The following NF2 variants were observed in gnomAD, a reference collection of about 807,000 sequenced individuals.
The protein encoded by NF2 is NF2, moesin-ezrin-radixin like (MERLIN) tumor suppressor.
NF2 carries 8 observed loss-of-function variants against 83.7 expected under a neutral mutation model. The ratio of observed to expected loss-of-function variants is 0.10; its 90% CI spans 0.06 to 0.17. NF2 has a LOEUF of 0.17. Among genes scored for constraint, NF2 ranks in the 10% least tolerant of loss-of-function variants. The pLI is 1.00. For synonymous variants in NF2, 266 were observed against 269.6 expected, an observed-to-expected ratio of 0.99 and a Z score of 0.13; for missense variants, 533 against 744.4, an observed-to-expected ratio of 0.72 and a Z score of 3.31.
At chr22:29,678,133 C>G in intron 13 of NF2, 63 bp from the exon 14 acceptor site, 1 of 1,609,222 alleles carries the variant, frequency 6.2e-7, no homozygotes, top group Non-Finnish European at 8.5e-7. Flanking sequence ...CGGTTGTCAA[C>G]ACAGTAGTGT....
Position 29,674,845 on chromosome 22 carries a change from G to A in NF2, c.1350G>A (p.Glu450=), listed in dbSNP as rs1231236846. The A allele has an allele frequency of 3.9e-6, 6 of 1,558,018 alleles. No homozygotes were observed. The highest frequency in any genetic ancestry group is 5.2e-6 in the Non-Finnish European group (6 of 1,150,120). The change falls in exon 13 of 16, where the codon GAG becomes GAA. Residue 450 remains glutamate (E), a synonymous_variant. Coordinates refer to ENST00000338641, the MANE Select transcript of NF2 (RefSeq NM_000268.4). ...CATCCTTTCCTTGCAGGGCCAAAGA[G>A]GCAGATCAGCTGAAGCAGGACCTGC... The part of the protein sequence containing the change: ...MAEESERRAK[E]ADQLKQDLQE...
chr22:29,635,683 T>A (rs2065630167), intron 1 of NF2, among the ~76,000 whole-genome samples: 1 of 152,060 alleles, frequency 6.6e-6, no homozygotes, highest in South Asian at 2.1e-4. Flanking sequence ...GTGCCAAGAC[T>A]TTGAGTGGAG....
At chr22:29,632,967 C>T (rs1331548950) in intron 1 of NF2, among the ~76,000 whole-genome samples, 1 of 152,154 alleles carries the variant, frequency 6.6e-6, no homozygotes, top group South Asian at 2.1e-4. Flanking sequence ...GTCCACACCC[C>T]AAGACCTCTT....
intron 15 of NF2, among the ~76,000 whole-genome samples, chr22:29,688,955 C>T (rs1038087335): frequency 1.3e-5 from 2 of 152,036 alleles, no homozygotes; most frequent in African/African-American, 2.4e-5. Context: ...CCGAGGCAGG[C>T]GGATCACGAA....
intron 2 of NF2, among the ~76,000 whole-genome samples, chr22:29,638,694 G>A (rs1276262616): frequency 3.9e-5 from 6 of 151,968 alleles, no homozygotes; most frequent in African/African-American, 9.7e-5. Context: ...TTGGCAGTAG[G>A]CACCAAGAAA....
intron 10 of NF2, among the ~76,000 whole-genome samples, chr22:29,670,366 G>A (rs1426335708): frequency 1.3e-5 from 2 of 151,920 alleles, no homozygotes; most frequent in Non-Finnish European, 2.9e-5. Context: ...TAGATATGTA[G>A]TAAGCCACCT....
chr22:29,649,645 G>A (rs1282226912), intron 4 of NF2, among the ~76,000 whole-genome samples: 1 of 152,118 alleles, frequency 6.6e-6, no homozygotes, highest in Non-Finnish European at 1.5e-5. Flanking sequence ...AGGAGGCTGA[G>A]GCACGAGAAT....
intron 14 of NF2, among the ~76,000 whole-genome samples, chr22:29,678,637 GAGTC>G (rs758128119): frequency 2.0e-5 from 3 of 152,186 alleles, no homozygotes; most frequent in Non-Finnish European, 4.4e-5. Context: ...TAGCATCTCT[GAGTC>G]AGTTCAACTG....
intron 6 of NF2, 119 bp from the exon 7 acceptor site, chr22:29,658,070 C>T (rs1216705276): frequency 6.9e-6 from 6 of 870,962 alleles, no homozygotes; most frequent in South Asian, 5.6e-5. Flanking sequence ...TGGCTTTTGT[C>T]TTCTGGCAGC....
rs550485041 is a variant in NF2 at position 29,673,637 on chromosome 22, G to A, written c.1340+151G>A. 3.5e-4 allele frequency: 309 copies of A among 873,402 alleles called. 5 individuals are homozygous for A. In the South Asian group the frequency reaches 4.7e-3, roughly 13 times the overall value. 54.1% of individuals were successfully genotyped at this position (873,402 alleles called of 1,614,324 possible). On this transcript the variant is annotated intron_variant, in intron 12 of 15. Coordinates refer to ENST00000338641, the MANE Select transcript of NF2 (RefSeq NM_000268.4). ...GGCTCCTCCTTGGCTGATGGTGACT[G>A]GTGCTTTATCCATTTTGGGGCTGGC...
chr22:29,652,594 C>T (rs900458103), intron 4 of NF2, among the ~76,000 whole-genome samples: 16 of 152,172 alleles, frequency 1.1e-4, no homozygotes, highest in East Asian at 3.9e-4. Flanking sequence ...TGAGCCACCA[C>T]GCCCAGCCAA....
intron 7 of NF2, among the ~76,000 whole-genome samples, chr22:29,660,315 T>G (rs925717032): frequency 6.6e-6 from 1 of 152,238 alleles, no homozygotes; most frequent in African/African-American, 2.4e-5. Context: ...AATAGAATTC[T>G]TTTTGATATG....
At chr22:29,664,101 T>C (rs1031224838) in intron 8 of NF2, among the ~76,000 whole-genome samples, 2 of 152,182 alleles carry the variant, frequency 1.3e-5, no homozygotes, top group African/African-American at 4.8e-5. Context: ...TCCTGTCACA[T>C]CAAACCTAAA....
intron 1 of NF2, among the ~76,000 whole-genome samples, chr22:29,625,112 A>AGAGACGGGGTTTCAC (rs2065329853): frequency 6.6e-6 from 1 of 151,678 alleles, no homozygotes; most frequent in African/African-American, 2.4e-5. Flanking sequence ...TATTTTTAGG[A>AGAGACGGGGTTTCAC]GAGACGGGGT....
intron 6 of NF2, among the ~76,000 whole-genome samples, chr22:29,657,555 T>C (rs1182966435): frequency 6.6e-6 from 1 of 152,208 alleles, no homozygotes; most frequent in Non-Finnish European, 1.5e-5. Flanking sequence ...ATTTGGAGAT[T>C]GGAGAGAGAA....
intron 4 of NF2, among the ~76,000 whole-genome samples, chr22:29,642,847 T>C (rs1055702331): frequency 5.3e-5 from 8 of 152,216 alleles, no homozygotes; most frequent in African/African-American, 1.9e-4. Context: ...CTGCCCCTGA[T>C]TGACATGCTA....
Position 29,695,130 on chromosome 22 carries a change from C to G in NF2, c.*328C>G, listed in dbSNP as rs1650938015. On this transcript the variant is annotated 3_prime_UTR_variant, in exon 16 of 16. Transcript: ENST00000338641. The surrounding 1 kb of genome is among the most constrained non-coding windows in gnomAD (Gnocchi z 5.4). ...TGTGTGTCTTGCACTCCAGAGCTGA[C>G]CTCCACCGCCCAGCCTGGGAAGTCA... The G allele has an allele frequency of 4.1e-6, 2 of 482,110 alleles. No individual in the cohort carries two copies. Among genetic ancestry groups the G allele is most frequent in the South Asian group, 4.3e-5 (2 of 46,112 alleles). The allele number at this position is 482,110 out of a possible 1,614,324, so 29.9% of individuals were successfully genotyped here.
intron 6 of NF2, among the ~76,000 whole-genome samples, chr22:29,656,644 C>T (rs2066319988): frequency 6.6e-6 from 1 of 152,002 alleles, no homozygotes; most frequent in African/African-American, 2.4e-5. Flanking sequence ...GATCTCCTGA[C>T]CTCGTGATCT....
intron 4 of NF2, 71 bp downstream of exon 4, chr22:29,642,356 C>G: frequency 7.9e-6 from 10 of 1,268,402 alleles, no homozygotes; most frequent in South Asian, 1.2e-5. Flanking sequence ...CCTATCTTCT[C>G]TTTCTTTGGG....
Sources: allele counts gnomAD v4.1 joint callset (sites outside exome capture counted in the v4.1 genomes callset), GRCh38; gene constraint gnomAD v4.1.1; non-coding constraint Gnocchi (gnomAD v3.1); transcripts MANE v1.5; gene names NCBI Gene and HGNC (gene_info 2026-07-23, HGNC 2026-07-21).